SLC35D3: variants seen among roughly 807,000 people sequenced by gnomAD.
SLC35D3 encodes the protein frc, fringe-like 1.
Under a neutral mutation model 20.3 loss-of-function variants are expected in SLC35D3, and 18 were observed. The observed-to-expected ratio is 0.89, with a 90% confidence interval of 0.61 to 1.32. The LOEUF is 1.32. Ranked by LOEUF, SLC35D3 falls within the 40% of genes most tolerant of loss-of-function variation. The pLI is 0.00. For synonymous variants in SLC35D3, 313 were observed against 263.5 expected (o/e 1.19, Z -1.82); for missense variants, 556 against 565.5 (o/e 0.98, Z 0.17).
chr6:136,923,901 G>T lies in SLC35D3; in HGVS notation c.456G>T (p.Thr152=). Residue 152 remains threonine (T), a synonymous_variant, in exon 2 of 2, where the codon ACG becomes ACT. Transcript: ENST00000331858. This position sits in a 1 kb window ranked among gnomAD's most constrained non-coding sequence, Gnocchi z 6.2. ...GAALAGAGDL[T]GDPIGYVTGV... ...GCGCCGCAGGAGCCGGCGACCTGAC[G>T]GGCGACCCCATCGGGTACGTCACGG... The T allele has an allele frequency of 6.6e-7, 1 of 1,516,780 alleles. No individual in the cohort carries two copies. The highest frequency in any genetic ancestry group is 8.8e-7 in the Non-Finnish European group (1 of 1,130,994). The allele number at this position is 1,516,780 out of a possible 1,614,324, so 94.0% of individuals were successfully genotyped here.
Position 136,924,262 on chromosome 6 carries a change from G to A in SLC35D3, c.817G>A (p.Ala273Thr). 1 of 1,614,112 alleles carries A rather than the reference G, an allele frequency of 6.2e-7. No homozygotes were observed. The highest frequency in any genetic ancestry group is 8.5e-7 in the Non-Finnish European group (1 of 1,180,050). ...CGCCACCATCACGGTGGGCATGGTG[G>A]CCTTCAGCGACGTGGAGCCCACCTC... ...SIATITVGMV[A>T]FSDVEPTSLF... Residue 273 changes from alanine (A) to threonine (T), a missense_variant, in exon 2 of 2, where the codon GCC becomes ACC. By Grantham distance (58) the Ala-to-Thr change is moderately conservative. Transcript: ENST00000331858.
Position 136,924,769 on chromosome 6 carries a change from G to T in SLC35D3, c.*73G>T. 3 of 1,379,146 alleles carry T rather than the reference G, an allele frequency of 2.2e-6. No individual in the cohort carries two copies. Among genetic ancestry groups the T allele is most frequent in the Non-Finnish European group, 2.9e-6 (3 of 1,030,038 alleles). 85.4% of individuals were successfully genotyped at this position (1,379,146 alleles called of 1,614,324 possible). A position where few individuals can be genotyped will look rare whatever the true frequency, so the allele number is the denominator to read the frequency against. ...TTAGAAATGACGTGTTTTAATGAGA[G>T]GCCTCCCCGTTTTATTCTTTGAGGA... On this transcript the variant is annotated 3_prime_UTR_variant, in exon 2 of 2. Coordinates refer to ENST00000331858, the MANE Select transcript of SLC35D3 (RefSeq NM_001008783.3).
Position 136,922,666 on chromosome 6 carries a change from G to T in SLC35D3, c.238G>T (p.Gly80Trp). The change falls in exon 1 of 2, where the codon GGG becomes TGG. Residue 80 changes from glycine to tryptophan, a missense_variant. Transcript: ENST00000331858. The surrounding 1 kb of genome is among the most constrained non-coding windows in gnomAD (Gnocchi z 6.8). ...FGLSLARSFA[G>W]VAVLSTLQSS... The stretch of plus-strand genomic sequence containing the variant: ...TCTGAGCCTGGCGCGCTCCTTCGCG[G>T]GGGTCGCGGTGCTCTCCACGCTGCA... 6.2e-7 allele frequency: 1 copy of T among 1,606,804 alleles called. No individual in the cohort carries two copies. Among genetic ancestry groups the T allele is most frequent in the Non-Finnish European group, 8.5e-7 (1 of 1,178,442 alleles).
rs1198725738 is a variant in SLC35D3, at chr6:136,924,779, T to G, written c.*83T>G. 3.0e-6 allele frequency: 4 copies of G among 1,324,180 alleles called. No homozygotes were observed. In the Admixed American group the frequency reaches 1.0e-4, roughly 34 times the overall value. The allele number at this position is 1,324,180 out of a possible 1,614,324, so 82.0% of individuals were successfully genotyped here. On this transcript the variant is annotated 3_prime_UTR_variant, in exon 2 of 2. Coordinates refer to ENST00000331858, the MANE Select transcript of SLC35D3 (RefSeq NM_001008783.3). ...CGTGTTTTAATGAGAGGCCTCCCCG[T>G]TTTATTCTTTGAGGAGTGGGGAAGG... is the stretch of plus-strand genomic sequence containing the variant.
chr6:136,922,380 G>A lies in SLC35D3; in HGVS notation c.-49G>A. On this transcript the variant is annotated 5_prime_UTR_variant, in exon 1 of 2. Coordinates refer to ENST00000331858, the MANE Select transcript of SLC35D3 (RefSeq NM_001008783.3). The surrounding 1 kb of genome is among the most constrained non-coding windows in gnomAD (Gnocchi z 6.8). The stretch of plus-strand genomic sequence containing the variant: ...CACTCCGCTGCTCCCGGCTCCTCGC[G>A]CGCAGGTCGCGGAGCTCCGCCACCG... 7.2e-7 allele frequency: 1 copy of A among 1,380,748 alleles called. No individual in the cohort carries two copies. Among genetic ancestry groups the A allele is most frequent in the Non-Finnish European group, 9.3e-7 (1 of 1,074,618 alleles). The allele number at this position is 1,380,748 out of a possible 1,614,324, so 85.5% of individuals were successfully genotyped here. A position where few individuals can be genotyped will look rare whatever the true frequency, so the allele number is the denominator to read the frequency against.
At position 136,923,947 on chromosome 6, in the gene SLC35D3, C is replaced by T. The variant is rs1776096506; in HGVS notation, c.502C>T (p.His168Tyr). The T allele has an allele frequency of 2.6e-6, 4 of 1,552,312 alleles. No homozygotes were observed. Among genetic ancestry groups the T allele is most frequent in the Non-Finnish European group, 3.5e-6 (4 of 1,153,436 alleles). Residue 168 changes from histidine to tyrosine, a missense_variant, in exon 2 of 2, where the codon CAC (histidine) becomes TAC (tyrosine). Physicochemically the swap from His to Tyr is moderately conservative, Grantham distance 83. Coordinates refer to ENST00000331858, the MANE Select transcript of SLC35D3 (RefSeq NM_001008783.3). This position sits in a 1 kb window ranked among gnomAD's most constrained non-coding sequence, Gnocchi z 6.2. ...YVTGVLAVLV[H>Y]AAYLVLIQKA... is the part of the protein sequence containing the mutation. Reference sequence around the variant, plus strand: ...CACGGGAGTGCTGGCGGTGCTGGTGCACGCTGCCTACCTGGTGCTCATCCA... The same window carrying T: ...CACGGGAGTGCTGGCGGTGCTGGTGTACGCTGCCTACCTGGTGCTCATCCA...
chr6:136,922,841 T>A lies in SLC35D3; in HGVS notation c.413T>A (p.Ile138Asn). The A allele has an allele frequency of 6.5e-7, 1 of 1,545,598 alleles. No homozygotes were observed. The highest frequency in any genetic ancestry group is 8.7e-7 in the Non-Finnish European group (1 of 1,148,034). The change falls in exon 1 of 2, where the codon ATC (isoleucine) becomes AAC (asparagine). Residue 138 changes from isoleucine to asparagine, a missense_variant. Physicochemically the swap from Ile to Asn is moderately radical, Grantham distance 149. Coordinates refer to ENST00000331858, the MANE Select transcript of SLC35D3 (RefSeq NM_001008783.3). The surrounding 1 kb of genome is among the most constrained non-coding windows in gnomAD (Gnocchi z 6.8). ...PSPGVLAAVLITTCGAALAGA... is the reference protein window; with the variant it reads ...PSPGVLAAVLNTTCGAALAGA... Reference sequence around the variant, plus strand: ...CCAGGGGTGCTGGCGGCGGTGCTCATCACCACCTGCGGCGCCGCCCTGGCA... The same window carrying A: ...CCAGGGGTGCTGGCGGCGGTGCTCAACACCACCTGCGGCGCCGCCCTGGCA...
Position 136,924,373 on chromosome 6 carries a change from A to C in SLC35D3, c.928A>C (p.Asn310His), listed in dbSNP as rs762804150. 1.2e-6 allele frequency: 2 copies of C among 1,614,098 alleles called. No individual in the cohort carries two copies. The highest frequency in any genetic ancestry group is 4.5e-5 in the East Asian group (2 of 44,870). ...GTTCATGGAGACCAGAAAGCAAAGC[A>C]ACTACGAGGACCTGGAGGCCCAGCC... Reference protein sequence around the residue: ...AKFMETRKQSNYEDLEAQPRG... With the variant: ...AKFMETRKQSHYEDLEAQPRG... Residue 310 changes from asparagine to histidine, a missense_variant, in exon 2 of 2, where the codon AAC becomes CAC. Physicochemically the swap from Asn to His is moderately conservative, Grantham distance 68. Transcript: ENST00000331858.
In SLC35D3 at chr6:136,922,840, A is replaced by G; in HGVS notation, c.412A>G (p.Ile138Val). Residue 138 changes from isoleucine to valine, a missense_variant, in exon 1 of 2, where the codon ATC becomes GTC. Physicochemically the swap from Ile to Val is conservative, Grantham distance 29. Transcript: ENST00000331858. The surrounding 1 kb of genome is among the most constrained non-coding windows in gnomAD (Gnocchi z 6.8). Reference sequence around the variant, plus strand: ...GCCAGGGGTGCTGGCGGCGGTGCTCATCACCACCTGCGGCGCCGCCCTGGC... The same window carrying G: ...GCCAGGGGTGCTGGCGGCGGTGCTCGTCACCACCTGCGGCGCCGCCCTGGC... Reference protein sequence around the residue: ...PSPGVLAAVLITTCGAALAGA... With the variant: ...PSPGVLAAVLVTTCGAALAGA... 1.3e-6 allele frequency: 2 copies of G among 1,546,204 alleles called. No individual in the cohort carries two copies. Among genetic ancestry groups the G allele is most frequent in the Admixed American group, 2.0e-5 (1 of 51,248 alleles).
rs530220973 is a variant in SLC35D3 at position 136,924,264 on chromosome 6, C to T, written c.819C>T (p.Ala273=). The T allele has an allele frequency of 5.0e-6, 8 of 1,614,092 alleles. No homozygotes were observed. In the South Asian group the frequency reaches 7.7e-5, roughly 16 times the overall value. Residue 273 remains alanine (A), a synonymous_variant, in exon 2 of 2, where the codon GCC becomes GCT. Transcript: ENST00000331858. ...CCACCATCACGGTGGGCATGGTGGC[C>T]TTCAGCGACGTGGAGCCCACCTCTC... ...SIATITVGMV[A]FSDVEPTSLF...
chr6:136,922,403 C>T lies in SLC35D3; in HGVS notation c.-26C>T. 1 of 1,470,730 alleles carries T rather than the reference C, an allele frequency of 6.8e-7. No homozygotes were observed. The highest frequency in any genetic ancestry group is 9.0e-7 in the Non-Finnish European group (1 of 1,115,858). The allele number at this position is 1,470,730 out of a possible 1,614,324, so 91.1% of individuals were successfully genotyped here. On this transcript the variant is annotated 5_prime_UTR_variant, in exon 1 of 2. Transcript: ENST00000331858. This position sits in a 1 kb window ranked among gnomAD's most constrained non-coding sequence, Gnocchi z 6.8. ...GCGCGCAGGTCGCGGAGCTCCGCCA[C>T]CGCTGGGTGCGGCGAGGCCGGCGCG...
chr6:136,924,005 T>C lies in SLC35D3; in HGVS notation c.560T>C (p.Leu187Pro). ...AGCGCAGACACCGAGCACGGGCCGCTCACCGCGCAGTACGTCATCGCCGTC... is the reference window on the plus strand; with the variant it reads ...AGCGCAGACACCGAGCACGGGCCGCCCACCGCGCAGTACGTCATCGCCGTC... ...KASADTEHGP[L>P]TAQYVIAVSA... The change falls in exon 2 of 2, where the codon CTC (leucine) becomes CCC (proline). Residue 187 changes from leucine to proline, a missense_variant. Transcript: ENST00000331858. The C allele has an allele frequency of 6.3e-7, 1 of 1,597,156 alleles. No homozygotes were observed. Among genetic ancestry groups the C allele is most frequent in the South Asian group, 1.1e-5 (1 of 89,206 alleles).
At position 136,923,142 on chromosome 6, in the gene SLC35D3, C is replaced by T. The variant is rs1035321987; in HGVS notation, c.439+275C>T. Among the ~76,000 whole-genome samples, 1 of 152,194 alleles carries T rather than the reference C, an allele frequency of 6.6e-6. No individual in the cohort carries two copies. Among genetic ancestry groups the T allele is most frequent in the African/African-American group, 2.4e-5 (1 of 41,442 alleles). On this transcript the variant is annotated intron_variant, in intron 1 of 1. Coordinates refer to ENST00000331858, the MANE Select transcript of SLC35D3 (RefSeq NM_001008783.3). This position sits in a 1 kb window ranked among gnomAD's most constrained non-coding sequence, Gnocchi z 6.2. Reference sequence around the variant, plus strand: ...ACCCGGCATCGCCCTTCCTGTCGCCCCCTCTCCTGGTCTTCCCCTGTCACC... The same window carrying T: ...ACCCGGCATCGCCCTTCCTGTCGCCTCCTCTCCTGGTCTTCCCCTGTCACC...
rs1776081313 is a variant in SLC35D3 at position 136,922,807 on chromosome 6, G to A, written c.379G>A (p.Ala127Thr). ...LIGVLVLKNG[A>T]PSPGVLAAVL... ...CGGCGTCCTGGTGCTCAAGAACGGCGCGCCCTCGCCAGGGGTGCTGGCGGC... is the reference window on the plus strand; with the variant it reads ...CGGCGTCCTGGTGCTCAAGAACGGCACGCCCTCGCCAGGGGTGCTGGCGGC... Residue 127 changes from alanine (A) to threonine (T), a missense_variant, in exon 1 of 2, where the codon GCG becomes ACG. By Grantham distance (58) the Ala-to-Thr change is moderately conservative. Coordinates refer to ENST00000331858, the MANE Select transcript of SLC35D3 (RefSeq NM_001008783.3). This position sits in a 1 kb window ranked among gnomAD's most constrained non-coding sequence, Gnocchi z 6.8. 4.5e-6 allele frequency: 7 copies of A among 1,561,076 alleles called. 1 individual carries two copies. The highest frequency in any genetic ancestry group is 6.1e-6 in the Non-Finnish European group (7 of 1,153,826).
chr6:136,924,504 T>C lies in SLC35D3; in HGVS notation c.1059T>C (p.Gly353=), dbSNP rs919583687. 6.2e-7 allele frequency: 1 copy of C among 1,613,148 alleles called. No individual in the cohort carries two copies. The highest frequency in any genetic ancestry group is 8.5e-7 in the Non-Finnish European group (1 of 1,179,850). ...GGTCAGAAGGTGGGGAGGCAGCAGGTGGCCCCGCTCAGGAGAGCAGGCAAG... is the reference window on the plus strand; with the variant it reads ...GGTCAGAAGGTGGGGAGGCAGCAGGCGGCCCCGCTCAGGAGAGCAGGCAAG... The part of the protein sequence containing the change: ...NGRSEGGEAA[G]GPAQESRQEV... Residue 353 remains glycine, a synonymous_variant, in exon 2 of 2, where the codon GGT becomes GGC. Coordinates refer to ENST00000331858, the MANE Select transcript of SLC35D3 (RefSeq NM_001008783.3).
In SLC35D3 at chr6:136,924,446, T is replaced by C. The variant is rs763651691; in HGVS notation, c.1001T>C (p.Met334Thr). 1.9e-6 allele frequency: 3 copies of C among 1,613,700 alleles called. No individual in the cohort carries two copies. The highest frequency in any genetic ancestry group is 1.7e-5 in the Admixed American group (1 of 60,012). The stretch of plus-strand genomic sequence containing the variant: ...AGTGGAGACCAGCTGCCGTTCGTGA[T>C]GGAGGAGCTGCCCGGGGAGGGAGGA... ...QLSGDQLPFV[M>T]EELPGEGGNG... Residue 334 changes from methionine to threonine, a missense_variant, in exon 2 of 2, where the codon ATG (methionine) becomes ACG (threonine). By Grantham distance (81) the Met-to-Thr change is moderately conservative (BLOSUM62 -1). Transcript: ENST00000331858.
At position 136,924,143 on chromosome 6, in the gene SLC35D3, T is replaced by A. The variant is rs751200861; in HGVS notation, c.698T>A (p.Ile233Asn). Residue 233 changes from isoleucine to asparagine, a missense_variant, in exon 2 of 2, where the codon ATC becomes AAC. Physicochemically the swap from Ile to Asn is moderately radical, Grantham distance 149. Coordinates refer to ENST00000331858, the MANE Select transcript of SLC35D3 (RefSeq NM_001008783.3). ...PAMVCIFVAC[I>N]LIGCAMNFTT... is the part of the protein sequence containing the mutation. ...ATGGTCTGCATCTTCGTGGCCTGCA[T>A]CCTGATCGGCTGCGCCATGAACTTC... 2 of 1,612,874 alleles carry A rather than the reference T, an allele frequency of 1.2e-6. No individual in the cohort carries two copies. The highest frequency in any genetic ancestry group is 3.3e-5 in the Admixed American group (2 of 60,034).
Position 136,924,006 on chromosome 6 carries a change from C to A in SLC35D3, c.561C>A (p.Leu187=). ...GCGCAGACACCGAGCACGGGCCGCTCACCGCGCAGTACGTCATCGCCGTCT... is the reference window on the plus strand; with the variant it reads ...GCGCAGACACCGAGCACGGGCCGCTAACCGCGCAGTACGTCATCGCCGTCT... ...KASADTEHGP[L]TAQYVIAVSA... is the part of the protein sequence containing the mutation. Residue 187 remains leucine, a synonymous_variant, in exon 2 of 2, where the codon CTC becomes CTA. Coordinates refer to ENST00000331858, the MANE Select transcript of SLC35D3 (RefSeq NM_001008783.3). 6.3e-7 allele frequency: 1 copy of A among 1,597,478 alleles called. No homozygotes were observed. Among genetic ancestry groups the A allele is most frequent in the Non-Finnish European group, 8.5e-7 (1 of 1,175,734 alleles).
In SLC35D3 at chr6:136,925,545, C is replaced by T. The variant is rs1190681404; in HGVS notation, c.*849C>T. ...TCCTTTCAAGTTTCACTGCACATCC[C>T]AAACCATGTTACAAAAAGAGCAACT... On this transcript the variant is annotated 3_prime_UTR_variant, in exon 2 of 2. Transcript: ENST00000331858. The T allele has an allele frequency of 6.6e-6, 1 of 152,196 alleles. No homozygotes were observed. The highest frequency in any genetic ancestry group is 2.4e-5 in the African/African-American group (1 of 41,442). The allele number at this position is 152,196 out of a possible 1,614,324, so 9.4% of individuals were successfully genotyped here.
Sources: allele counts gnomAD v4.1 joint callset (sites outside exome capture counted in the v4.1 genomes callset), GRCh38; gene constraint gnomAD v4.1.1; non-coding constraint Gnocchi (gnomAD v3.1); transcripts MANE v1.5; gene names NCBI Gene and HGNC (gene_info 2026-07-23, HGNC 2026-07-21).